Variants in CLDN14 observed in about 807,000 individuals in gnomAD.
CLDN14 encodes claudin-14.
In CLDN14, 2 loss-of-function variants were observed where a neutral mutation model predicts 2.1. The observed-to-expected ratio is 0.96, with a 90% CI of 0.39 to 3.01. The LOEUF is 3.01. CLDN14 is among the 30% of genes most tolerant of loss of function. The pLI, the probability that CLDN14 is intolerant of heterozygous loss-of-function variation, is 0.09. For missense variants in CLDN14, 298 were observed against 328.0 expected, an observed-to-expected ratio of 0.91 and a Z score of 0.71; for synonymous variants, 136 against 154.4, an observed-to-expected ratio of 0.88 and a Z score of 0.88.
chr21:36,549,774 G>T (rs2087550972), intron 1 of CLDN14, among the ~76,000 whole-genome samples: 1 of 152,136 alleles, frequency 6.6e-6, no homozygotes, highest in Non-Finnish European at 1.5e-5. Flanking sequence ...CTTCCTTCAG[G>T]TCTTCACTCA....
At chr21:36,522,423 C>T (rs9978278) in intron 1 of CLDN14, among the ~76,000 whole-genome samples, 24,318 of 152,252 alleles carry the variant, frequency 0.16, 2,372 homozygotes, top group Non-Finnish European at 0.22. Flanking sequence ...CCCCAGGATG[C>T]GCTGGGGGTT....
At chr21:36,488,521 C>T (rs1428604750) in intron 2 of CLDN14, among the ~76,000 whole-genome samples, 2 of 152,018 alleles carry the variant, frequency 1.3e-5, no homozygotes, top group Middle Eastern at 3.2e-3. Flanking sequence ...CCACCCTCCT[C>T]GGCCTCCCAA....
intron 1 of CLDN14, among the ~76,000 whole-genome samples, chr21:36,523,760 AAAG>A (rs1404218215): frequency 0.14 from 7,958 of 55,022 alleles, 1,771 homozygotes; most frequent in Non-Finnish European, 0.27. Flanking sequence ...AAAAAAAAAA[AAAG>A]AAAGAAAGAG....
chr21:36,565,432 T>A (rs1013833871), intron 1 of CLDN14, among the ~76,000 whole-genome samples: 3 of 151,730 alleles, frequency 2.0e-5, no homozygotes, highest in African/African-American at 7.3e-5. Context: ...TTTTTTTTTT[T>A]AAATATGCAA....
chr21:36,524,922 C>A lies in CLDN14; in HGVS notation c.-219-14422G>T, dbSNP rs549351236. ...GGATGCAAGGCATGGGTGCCAGGTA[C>A]TTTCCCCTTCCACCCACCCTTGGCT... is the stretch of plus-strand genomic sequence containing the variant. On this transcript the variant is annotated intron_variant, in intron 1 of 2. Transcript: ENST00000342108. Among the ~76,000 whole-genome samples the A allele has an allele frequency of 7.2e-5, 11 of 152,210 alleles. No homozygotes were observed. In the East Asian group the frequency reaches 2.1e-3, roughly 29 times the overall value.
intron 2 of CLDN14, among the ~76,000 whole-genome samples, chr21:36,507,545 C>T (rs1443320153): frequency 6.6e-6 from 1 of 152,174 alleles, no homozygotes; most frequent in Non-Finnish European, 1.5e-5. Flanking sequence ...GGGTGGATCA[C>T]CTAAGGTCAG....
intron 1 of CLDN14, among the ~76,000 whole-genome samples, chr21:36,472,295 C>T (rs573449987): frequency 3.9e-5 from 6 of 152,134 alleles, no homozygotes; most frequent in East Asian, 1.9e-4. Flanking sequence ...GTGAGGCTAG[C>T]GGGATGTGCT....
intron 1 of CLDN14, among the ~76,000 whole-genome samples, chr21:36,561,016 AT>A (rs143480879): frequency 0.013 from 2,019 of 152,310 alleles, 50 homozygotes; most frequent in African/African-American, 0.046. Context: ...ATAATCTTAT[AT>A]TTTTTATGAT....
intron 1 of CLDN14, among the ~76,000 whole-genome samples, chr21:36,570,555 A>G (rs1018752520): frequency 3.3e-5 from 5 of 152,248 alleles, no homozygotes; most frequent in African/African-American, 1.2e-4. Context: ...GGGAGGAACA[A>G]GGACGGCAAA....
rs150492436 is a variant in CLDN14 at position 36,549,337 on chromosome 21, G to A, written c.-220+27074C>T. On this transcript the variant is annotated intron_variant, in intron 1 of 2. Transcript: ENST00000342108. ...CCCCCTCCGGCTACTGAGAGTCCTC[G>A]CTGAAGCCAAAAGTGGTAGACATGT... Among the ~76,000 whole-genome samples the A allele has an allele frequency of 6.3e-3, 946 of 151,260 alleles. 7 individuals carry two copies. The highest frequency in any genetic ancestry group is 0.022 in the African/African-American group (895 of 41,150).
At chr21:36,504,605 A>G (rs539469271) in intron 2 of CLDN14, among the ~76,000 whole-genome samples, 1 of 152,292 alleles carries the variant, frequency 6.6e-6, no homozygotes, top group East Asian at 1.9e-4. Flanking sequence ...TATCTCATGA[A>G]GTGTACAATT....
chr21:36,464,177 C>T (rs986295671), intron 1 of CLDN14, among the ~76,000 whole-genome samples: 9 of 152,180 alleles, frequency 5.9e-5, no homozygotes, highest in African/African-American at 2.4e-5. Context: ...GCTCCCCTCT[C>T]TCTCTTCCTC....
chr21:36,514,517 A>C (rs145760299), intron 1 of CLDN14, among the ~76,000 whole-genome samples: 279 of 152,250 alleles, frequency 1.8e-3, no homozygotes, highest in African/African-American at 6.3e-3. Flanking sequence ...ACTCATCCCA[A>C]ACTGGTATTG....
intron 1 of CLDN14, among the ~76,000 whole-genome samples, chr21:36,560,393 T>A (rs1339155084): frequency 6.6e-6 from 1 of 152,198 alleles, no homozygotes; most frequent in Non-Finnish European, 1.5e-5. Context: ...CAACCTTAAG[T>A]GTGAATTATG....
At chr21:36,563,923 C>T (rs569842072) in intron 1 of CLDN14, among the ~76,000 whole-genome samples, 6 of 152,304 alleles carry the variant, frequency 3.9e-5, no homozygotes, top group African/African-American at 1.2e-4. Flanking sequence ...AAAAGACAGA[C>T]GTGGATTCAG....
intron 1 of CLDN14, among the ~76,000 whole-genome samples, chr21:36,575,496 CT>C (rs2087735547): frequency 1.3e-5 from 2 of 152,150 alleles, no homozygotes; most frequent in African/African-American, 4.8e-5. Context: ...CTCTAGATAG[CT>C]TATCTCAGAA....
chr21:36,555,850 T>TGA (rs373539349), intron 1 of CLDN14, among the ~76,000 whole-genome samples: 77 of 140,638 alleles, frequency 5.5e-4, no homozygotes, highest in African/African-American at 1.0e-3. Context: ...TGTGTGTGTG[T>TGA]GAGAGAGAGA....
At chr21:36,540,295 G>A (rs1453210804) in intron 1 of CLDN14, among the ~76,000 whole-genome samples, 1 of 152,124 alleles carries the variant, frequency 6.6e-6, no homozygotes, top group Non-Finnish European at 1.5e-5. Flanking sequence ...CCTAGATGAC[G>A]TATAATACCC....
At chr21:36,528,587 G>C (rs1257541103) in intron 1 of CLDN14, among the ~76,000 whole-genome samples, 1 of 152,212 alleles carries the variant, frequency 6.6e-6, no homozygotes, top group Non-Finnish European at 1.5e-5. Context: ...CAGCAATAAG[G>C]AACTGGGTTA....
Sources: gnomAD v4.1 joint callset for allele counts (sites outside exome capture counted in the v4.1 genomes callset) on GRCh38, gnomAD v4.1.1 for gene constraint, MANE v1.5 for transcripts, NCBI Gene and HGNC (gene_info 2026-07-23, HGNC 2026-07-21) for gene names.